Variants in SLC35D4 observed in about 807,000 individuals in gnomAD.
SLC35D4 encodes UDP-N-acetylglucosamine transporter SLC35D4.
the SLC35D4 span, among the ~76,000 whole-genome samples, chr18:23,319,141 A>G: frequency 1.3e-5 from 2 of 151,896 alleles, no homozygotes; most frequent in Non-Finnish European, 2.9e-5. Context: ...ACCGCACCCA[A>G]CCTTCATAGT....
At chr18:23,355,083 G>C in the SLC35D4 span, among the ~76,000 whole-genome samples, 2 of 152,112 alleles carry the variant, frequency 1.3e-5, no homozygotes, top group Admixed American at 6.5e-5. Flanking sequence ...AGATATGGTG[G>C]AGCCTCTGAA....
chr18:23,304,098 G>A, the SLC35D4 span, among the ~76,000 whole-genome samples: 6 of 148,890 alleles, frequency 4.0e-5, no homozygotes, highest in South Asian at 2.1e-4. Context: ...GTGAAACCTC[G>A]TCTCTATTAA....
the SLC35D4 span, among the ~76,000 whole-genome samples, chr18:23,427,721 T>A: frequency 6.6e-6 from 1 of 152,162 alleles, no homozygotes; most frequent in Non-Finnish European, 1.5e-5. Flanking sequence ...CATGCACACA[T>A]ATGTTTATTG....
At chr18:23,326,997 C>G in the SLC35D4 span, among the ~76,000 whole-genome samples, 2 of 152,040 alleles carry the variant, frequency 1.3e-5, no homozygotes, top group African/African-American at 4.8e-5. Context: ...GCTTTGAAAC[C>G]AATAAGAACA....
At chr18:23,416,609 G>A in the SLC35D4 span, among the ~76,000 whole-genome samples, 2 of 152,168 alleles carry the variant, frequency 1.3e-5, no homozygotes, top group Admixed American at 1.3e-4. Flanking sequence ...AAGGGCCATG[G>A]GAACTGGAAA....
At chr18:23,320,503 T>C in the SLC35D4 span, among the ~76,000 whole-genome samples, 1 of 152,222 alleles carries the variant, frequency 6.6e-6, no homozygotes, top group Non-Finnish European at 1.5e-5. Context: ...CCCACTTGAT[T>C]ATCAGTTATG....
the SLC35D4 span, among the ~76,000 whole-genome samples, chr18:23,278,841 A>G: frequency 6.6e-6 from 1 of 151,870 alleles, no homozygotes. Flanking sequence ...TCTCAACTCT[A>G]CTAAAATTAA....
At chr18:23,286,943 C>T in the SLC35D4 span, among the ~76,000 whole-genome samples, 107 of 151,838 alleles carry the variant, frequency 7.0e-4, no homozygotes, top group African/African-American at 2.4e-3. Context: ...CCCACCTTAA[C>T]CCACAAGTAT....
At chr18:23,322,406 T>A in the SLC35D4 span, among the ~76,000 whole-genome samples, 1 of 152,214 alleles carries the variant, frequency 6.6e-6, no homozygotes, top group African/African-American at 2.4e-5. Context: ...GGCAGTAGAA[T>A]TCAAGTACCA....
At chr18:23,371,096 T>TCC in the SLC35D4 span, among the ~76,000 whole-genome samples, 2 of 133,268 alleles carry the variant, frequency 1.5e-5, no homozygotes, top group Non-Finnish European at 3.4e-5. Context: ...CCTCTCTCTC[T>TCC]CTCTCTTTCT....
At chr18:23,283,920 C>A in the SLC35D4 span, among the ~76,000 whole-genome samples, 2 of 151,962 alleles carry the variant, frequency 1.3e-5, no homozygotes, top group African/African-American at 2.4e-5. Context: ...ATATGCTAAA[C>A]AAAAGGTGGA....
chr18:23,356,587 C>T, the SLC35D4 span: 28 of 1,613,826 alleles, frequency 1.7e-5, no homozygotes, highest in East Asian at 1.8e-4. This position sits in a 1 kb window ranked among gnomAD's most constrained non-coding sequence, Gnocchi z 4.1. Flanking sequence ...AGTGAGCTTA[C>T]GATTACCTGG....
At chr18:23,257,265 G>A in the SLC35D4 span, 9 of 1,612,820 alleles carry the variant, frequency 5.6e-6, no homozygotes, top group East Asian at 2.0e-4. Flanking sequence ...GGCGAGAACT[G>A]ATTGCCTTTG....
the SLC35D4 span, chr18:23,259,445 T>C: frequency 2.1e-4 from 32 of 152,216 alleles, no homozygotes; most frequent in African/African-American, 7.2e-4. Flanking sequence ...TGGGGTGATT[T>C]GTTTGGTTTT....
the SLC35D4 span, among the ~76,000 whole-genome samples, chr18:23,347,046 C>T: frequency 6.6e-6 from 1 of 152,150 alleles, no homozygotes; most frequent in Admixed American, 6.5e-5. Context: ...GAGTTATTCC[C>T]TCTTCCTTTA....
chr18:23,338,393 A>C, the SLC35D4 span, among the ~76,000 whole-genome samples: 1 of 152,204 alleles, frequency 6.6e-6, no homozygotes, highest in Non-Finnish European at 1.5e-5. Flanking sequence ...AGAGAATTAA[A>C]ACAGCAGATT....
chr18:23,378,800 T>C, the SLC35D4 span, among the ~76,000 whole-genome samples: 33 of 152,294 alleles, frequency 2.2e-4, 1 homozygote, highest in South Asian at 3.1e-3. Flanking sequence ...TCAGGCAGTG[T>C]GAAGTATGAA....
the SLC35D4 span, among the ~76,000 whole-genome samples, chr18:23,288,387 TC>T: frequency 1.3e-5 from 2 of 152,190 alleles, no homozygotes; most frequent in South Asian, 4.1e-4. Flanking sequence ...TTCTCAGTGT[TC>T]CATCTGCTAT....
the SLC35D4 span, among the ~76,000 whole-genome samples, chr18:23,243,419 T>A: frequency 6.6e-6 from 1 of 151,238 alleles, no homozygotes; most frequent in African/African-American, 2.4e-5. Context: ...CTGAAATGCC[T>A]GATTGTGCTG....
Sources: gnomAD v4.1 joint callset for allele counts (sites outside exome capture counted in the v4.1 genomes callset) on GRCh38, gnomAD v4.1.1 for gene constraint, Gnocchi (gnomAD v3.1) non-coding constraint, MANE v1.5 for transcripts, NCBI Gene and HGNC (gene_info 2026-07-23, HGNC 2026-07-21) for gene names.